The following GUCY1A2 variants were observed in gnomAD, a reference collection of about 807,000 sequenced individuals.
The protein encoded by GUCY1A2 is guanylate cyclase 1 soluble subunit alpha 2, also known as guanylate cyclase soluble subunit alpha-2.
In GUCY1A2, 27 loss-of-function variants were observed where a neutral mutation model predicts 63.5. That is an observed-to-expected ratio of 0.43 (90% CI 0.31 to 0.59). GUCY1A2 has a LOEUF of 0.59. Ranked by LOEUF, GUCY1A2 falls within the 20% of genes least tolerant of loss-of-function variation. GUCY1A2 has a pLI of 0.11. For missense variants in GUCY1A2, 768 were observed against 913.3 expected, an observed-to-expected ratio of 0.84 and a Z score of 2.05; for synonymous variants, 364 against 343.5, an observed-to-expected ratio of 1.06 and a Z score of -0.66.
At chr11:106,848,296 A>G (rs1277939432) in intron 4 of GUCY1A2, among the ~76,000 whole-genome samples, 1 of 151,698 alleles carries the variant, frequency 6.6e-6, no homozygotes, top group Non-Finnish European at 1.5e-5. Context: ...ATAAGCACAC[A>G]ATCAGTGAAT....
At chr11:106,766,813 A>C (rs1461109908) in intron 6 of GUCY1A2, among the ~76,000 whole-genome samples, 1 of 152,092 alleles carries the variant, frequency 6.6e-6, no homozygotes, top group African/African-American at 2.4e-5. Context: ...CTGAAGTGTC[A>C]GTAAAAGATT....
At chr11:106,969,371 T>C (rs1861166017) in intron 3 of GUCY1A2, among the ~76,000 whole-genome samples, 1 of 152,142 alleles carries the variant, frequency 6.6e-6, no homozygotes, top group Non-Finnish European at 1.5e-5. Context: ...AGAATGCTAT[T>C]AAAATTTGTA....
At chr11:106,968,943 A>G (rs72996310) in intron 3 of GUCY1A2, among the ~76,000 whole-genome samples, 3,342 of 152,286 alleles carry the variant, frequency 0.022, 70 homozygotes, top group Admixed American at 0.059. Context: ...TGAGTAACAG[A>G]AATGGGAAAA....
At chr11:106,866,515 G>A (rs11211951) in intron 4 of GUCY1A2, among the ~76,000 whole-genome samples, 24,379 of 152,058 alleles carry the variant, frequency 0.16, 2,374 homozygotes, top group East Asian at 0.28. Flanking sequence ...GCAGATGCAA[G>A]GAAGAGAATG....
At chr11:106,820,731 G>T (rs925917977) in intron 4 of GUCY1A2, among the ~76,000 whole-genome samples, 2 of 152,124 alleles carry the variant, frequency 1.3e-5, no homozygotes, top group Non-Finnish European at 2.9e-5. Context: ...AGGAACTAAA[G>T]CAGAAAAGAT....
At chr11:106,933,197 A>G (rs1406168761) in intron 4 of GUCY1A2, among the ~76,000 whole-genome samples, 1 of 152,168 alleles carries the variant, frequency 6.6e-6, no homozygotes, top group Non-Finnish European at 1.5e-5. Context: ...GAAAATATTC[A>G]TAAACTATGC....
chr11:106,709,430 A>T (rs28532817), intron 6 of GUCY1A2, among the ~76,000 whole-genome samples: 8,170 of 93,312 alleles, frequency 0.088, 708 homozygotes, highest in African/African-American at 0.21. Flanking sequence ...ATTATATATA[A>T]GTATATATAA....
chr11:106,689,288 G>A (rs1181224579), intron 7 of GUCY1A2, among the ~76,000 whole-genome samples: 4 of 151,938 alleles, frequency 2.6e-5, no homozygotes, highest in Non-Finnish European at 5.9e-5. Context: ...AAAAACTAGA[G>A]CTATAGTATT....
intron 4 of GUCY1A2, chr11:106,826,802 G>A: frequency 6.2e-7 from 1 of 1,609,726 alleles, no homozygotes; most frequent in African/African-American, 1.3e-5. Context: ...GGGCTCAGCT[G>A]CCAGGATGTA....
chr11:106,850,538 T>C (rs756696236), intron 4 of GUCY1A2, among the ~76,000 whole-genome samples: 2 of 151,956 alleles, frequency 1.3e-5, no homozygotes, highest in African/African-American at 2.4e-5. Flanking sequence ...CCCACAATTC[T>C]ACTCTCCATT....
chr11:106,874,328 T>TA (rs1468754133), intron 4 of GUCY1A2, among the ~76,000 whole-genome samples: 1 of 152,126 alleles, frequency 6.6e-6, no homozygotes, highest in Non-Finnish European at 1.5e-5. Flanking sequence ...AATTGATTAA[T>TA]AAAGAAATAG....
intron 4 of GUCY1A2, among the ~76,000 whole-genome samples, chr11:106,813,529 T>G (rs1482118810): frequency 6.6e-6 from 1 of 152,076 alleles, no homozygotes; most frequent in Non-Finnish European, 1.5e-5. Flanking sequence ...GTCATATAAC[T>G]GCACATTACA....
chr11:106,942,128 C>T (rs1006366443), intron 3 of GUCY1A2, among the ~76,000 whole-genome samples: 2 of 151,700 alleles, frequency 1.3e-5, no homozygotes, highest in African/African-American at 4.8e-5. Flanking sequence ...CCTGTTCCAA[C>T]TGCTCTGTTG....
At chr11:106,909,353 A>ATGTGTGTGTGTG (rs1565328453) in intron 4 of GUCY1A2, among the ~76,000 whole-genome samples, 1 of 27,818 alleles carries the variant, frequency 3.6e-5, no homozygotes, top group Non-Finnish European at 7.2e-5. Flanking sequence ...GGTGGTACTC[A>ATGTGTGTGTGTG]TCTGTGTGTG....
At chr11:106,730,724 T>A (rs142476045) in intron 6 of GUCY1A2, among the ~76,000 whole-genome samples, 4,425 of 152,220 alleles carry the variant, frequency 0.029, 104 homozygotes, top group South Asian at 0.069. Context: ...CTAATTTACA[T>A]TCCCATCAAC....
In GUCY1A2 at chr11:106,679,752, T is replaced by TG. The variant is rs1277950840; in HGVS notation, c.*7796dup. 4.6e-6 allele frequency: 1 copy of TG among 218,740 alleles called. No individual in the cohort carries two copies. The highest frequency in any genetic ancestry group is 9.2e-6 in the Non-Finnish European group (1 of 108,968). The allele number at this position is 218,740 out of a possible 1,614,324, so 13.5% of individuals were successfully genotyped here. ...CTGTGGCATATGGCAGAGCTGGTAT[T>TG]GGGCCTTCTTTGTTCCTTCAACCCA... On this transcript the variant is annotated 3_prime_UTR_variant, in exon 8 of 8. Coordinates refer to ENST00000526355, the MANE Select transcript of GUCY1A2 (RefSeq NM_000855.3).
chr11:106,812,681 T>C (rs1858778519), intron 4 of GUCY1A2, among the ~76,000 whole-genome samples: 2 of 151,972 alleles, frequency 1.3e-5, no homozygotes, highest in Non-Finnish European at 2.9e-5. Flanking sequence ...TTATAAAAAG[T>C]CTAAATTGAA....
intron 4 of GUCY1A2, among the ~76,000 whole-genome samples, chr11:106,837,868 CTA>C (rs1859138242): frequency 6.6e-6 from 1 of 151,878 alleles, no homozygotes; most frequent in South Asian, 2.1e-4. Flanking sequence ...AATCCCCTTG[CTA>C]TTTATGTTTA....
intron 6 of GUCY1A2, among the ~76,000 whole-genome samples, chr11:106,732,529 T>A (rs1591252711): frequency 6.6e-6 from 1 of 152,276 alleles, no homozygotes; most frequent in East Asian, 1.9e-4. Flanking sequence ...ATTTAAATGT[T>A]AAAGATTATT....
Sources: allele counts gnomAD v4.1 joint callset (sites outside exome capture counted in the v4.1 genomes callset), GRCh38; gene constraint gnomAD v4.1.1; transcripts MANE v1.5; gene names NCBI Gene and HGNC (gene_info 2026-07-23, HGNC 2026-07-21).